TNRC6A: variants seen among roughly 807,000 people sequenced by gnomAD.
TNRC6A encodes the protein trinucleotide repeat containing adaptor 6A, also known as trinucleotide repeat-containing gene 6A protein.
A neutral mutation model predicts 221.2 loss-of-function variants in TNRC6A; 44 were observed. That is an observed-to-expected ratio of 0.20 (90% CI 0.16 to 0.26). The LOEUF is 0.26. TNRC6A is among the 10% of genes least tolerant of loss of function. The pLI is 1.00. For synonymous variants in TNRC6A, 847 were observed against 838.5 expected (o/e 1.01, Z -0.18); for missense variants, 2,199 against 2,404.4 (o/e 0.91, Z 1.79).
chr16:24,631,886 T>C (rs780377718), intron 1 of TNRC6A, among the ~76,000 whole-genome samples: 1 of 151,602 alleles, frequency 6.6e-6, no homozygotes, highest in Non-Finnish European at 1.5e-5. Flanking sequence ...TGGAACAGGG[T>C]CTCACTCTGT....
At chr16:24,776,138 A>T (rs1302970187) in intron 4 of TNRC6A, among the ~76,000 whole-genome samples, 2 of 152,148 alleles carry the variant, frequency 1.3e-5, no homozygotes, top group Non-Finnish European at 2.9e-5. Context: ...CCAAAAGCTC[A>T]TACACCATGC....
intron 11 of TNRC6A, 48 bp from the exon 12 acceptor site, chr16:24,804,129 C>G (rs1474380236): frequency 3.9e-6 from 6 of 1,533,230 alleles, no homozygotes; most frequent in Admixed American, 4.7e-5. Context: ...TTATCTGAAA[C>G]CAATTGGGTT....
intron 2 of TNRC6A, among the ~76,000 whole-genome samples, chr16:24,680,422 T>TAAA: frequency 7.0e-6 from 1 of 142,548 alleles, no homozygotes; most frequent in South Asian, 2.3e-4. Flanking sequence ...CACTGTCTCT[T>TAAA]AAAAAAAAAA....
At position 24,805,689 on chromosome 16, in the gene TNRC6A, C is replaced by A. The variant is rs1280889931; in HGVS notation, c.4207C>A (p.Gln1403Lys). The A allele has an allele frequency of 3.7e-6, 6 of 1,614,082 alleles. No homozygotes were observed. The highest frequency in any genetic ancestry group is 4.2e-6 in the Non-Finnish European group (5 of 1,180,034). Residue 1403 changes from glutamine to lysine, a missense_variant, in exon 15 of 25, where the codon CAG becomes AAG. Gln to Lys is a moderately conservative substitution (Grantham distance 53). This residue lies in a region of TNRC6A where 449 missense variants were observed against 579.7 expected (regional missense o/e 0.77). Transcript: ENST00000395799. ...CCCTCAACAGGTAGCCATGCTGAAC[C>A]AGCTATCCCAGCTAAACCAGCTTTC... ...FGPQQVAMLN[Q>K]LSQLNQLSQI...
At chr16:24,761,405 G>C (rs141514618) in intron 4 of TNRC6A, among the ~76,000 whole-genome samples, 2 of 152,280 alleles carry the variant, frequency 1.3e-5, no homozygotes, top group East Asian at 3.9e-4. Context: ...GTGAGGTATA[G>C]GGATAGATGG....
At position 24,797,974 on chromosome 16, in the gene TNRC6A, A is replaced by G; in HGVS notation, c.3694+8A>G. ...AGATGGACCTTTCTGGAGGTAAGAG[A>G]AAATTAAATCTGTTTATATTCCTCA... On this transcript the variant is annotated splice_region_variant and intron_variant, in intron 11 of 24. Coordinates refer to ENST00000395799, the MANE Select transcript of TNRC6A (RefSeq NM_014494.4). 1 of 1,609,422 alleles carries G rather than the reference A, an allele frequency of 6.2e-7. No individual in the cohort carries two copies. The highest frequency in any genetic ancestry group is 1.3e-5 in the African/African-American group (1 of 74,916).
At chr16:24,783,265 A>G (rs533657953) in intron 5 of TNRC6A, among the ~76,000 whole-genome samples, 3 of 152,134 alleles carry the variant, frequency 2.0e-5, no homozygotes, top group East Asian at 1.9e-4. Context: ...AGTAGCTGAG[A>G]TTATAAGCGT....
chr16:24,790,297 A>G lies in TNRC6A; in HGVS notation c.1655A>G (p.Gln552Arg). ...GACACTGTGAATGCAACTCTAATGC[A>G]GCCTGGCGTAAATGGTCCTATGGGC... The part of the protein sequence containing the change: ...NGDTVNATLM[Q>R]PGVNGPMGTN... The change falls in exon 6 of 25, where the codon CAG becomes CGG. Residue 552 changes from glutamine (Q) to arginine (R), a missense_variant. This residue lies in a region of TNRC6A where 1,405 missense variants were observed against 1,400.2 expected (regional missense o/e 1.00). Coordinates refer to ENST00000395799, the MANE Select transcript of TNRC6A (RefSeq NM_014494.4). 1 of 1,614,260 alleles carries G rather than the reference A, an allele frequency of 6.2e-7. No individual in the cohort carries two copies. Among genetic ancestry groups the G allele is most frequent in the Non-Finnish European group, 8.5e-7 (1 of 1,180,046 alleles).
intron 4 of TNRC6A, among the ~76,000 whole-genome samples, chr16:24,760,857 A>G (rs1180017184): frequency 1.3e-5 from 2 of 152,206 alleles, no homozygotes; most frequent in Non-Finnish European, 2.9e-5. Context: ...CATTTGTCAA[A>G]ACTAAAAAAC....
At chr16:24,703,499 G>T (rs2056030498) in intron 2 of TNRC6A, among the ~76,000 whole-genome samples, 1 of 152,124 alleles carries the variant, frequency 6.6e-6, no homozygotes, top group East Asian at 1.9e-4. Flanking sequence ...GATCACTTGA[G>T]CCCAGGAGAT....
intron 4 of TNRC6A, among the ~76,000 whole-genome samples, chr16:24,769,096 G>T (rs2057535829): frequency 2.0e-5 from 3 of 151,890 alleles, no homozygotes; most frequent in African/African-American, 7.3e-5. Context: ...TTAGAACTTT[G>T]GTTATATTGT....
intron 3 of TNRC6A, among the ~76,000 whole-genome samples, chr16:24,755,197 G>T (rs2057223841): frequency 6.6e-6 from 1 of 152,200 alleles, no homozygotes; most frequent in Non-Finnish European, 1.5e-5. Context: ...AGCTCTCTGA[G>T]CACTAGGTGT....
At chr16:24,812,349 G>C (rs2058564283) in intron 18 of TNRC6A, among the ~76,000 whole-genome samples, 1 of 152,116 alleles carries the variant, frequency 6.6e-6, no homozygotes, top group African/African-American at 2.4e-5. Context: ...ACCAGGCCCA[G>C]CCCGGAATTT....
intron 2 of TNRC6A, among the ~76,000 whole-genome samples, chr16:24,682,352 A>G (rs887268618): frequency 6.6e-6 from 1 of 150,862 alleles, no homozygotes; most frequent in African/African-American, 2.4e-5. Context: ...TCGCCTCCCA[A>G]GTAGCTGGGA....
At chr16:24,619,004 T>C (rs1356822158) in intron 1 of TNRC6A, among the ~76,000 whole-genome samples, 2 of 152,160 alleles carry the variant, frequency 1.3e-5, no homozygotes, top group African/African-American at 2.4e-5. Flanking sequence ...ATACACACAT[T>C]TGCAGAGATA....
chr16:24,785,309 C>G (rs1267893235), intron 5 of TNRC6A, among the ~76,000 whole-genome samples: 1 of 152,236 alleles, frequency 6.6e-6, no homozygotes, highest in Non-Finnish European at 1.5e-5. Flanking sequence ...CTCTTGTTAA[C>G]AATTTCTTAT....
intron 11 of TNRC6A, chr16:24,803,377 C>T (rs2058365951): frequency 6.6e-6 from 1 of 151,870 alleles, no homozygotes; most frequent in South Asian, 2.1e-4. Flanking sequence ...CAAGATCACA[C>T]CACTGCACTC....
intron 18 of TNRC6A, among the ~76,000 whole-genome samples, chr16:24,810,511 T>C (rs552161025): frequency 5.3e-5 from 8 of 152,124 alleles, no homozygotes; most frequent in Non-Finnish European, 1.0e-4. Context: ...CTTAGGAGCA[T>C]TGAGTCAGGA....
At chr16:24,703,021 C>A (rs935189644) in intron 2 of TNRC6A, among the ~76,000 whole-genome samples, 2 of 149,092 alleles carry the variant, frequency 1.3e-5, no homozygotes, top group Non-Finnish European at 3.0e-5. Flanking sequence ...GGTGACAGTG[C>A]GAGACTCTGT....
Sources: gnomAD v4.1 joint callset for allele counts (sites outside exome capture counted in the v4.1 genomes callset) on GRCh38, gnomAD v4.1.1 for gene constraint, gnomAD v4.1.1 regional missense constraint, MANE v1.5 for transcripts, NCBI Gene and HGNC (gene_info 2026-07-23, HGNC 2026-07-21) for gene names.